Variants in MAD2L2 observed in about 807,000 individuals in gnomAD.
MAD2L2 encodes mitotic arrest deficient 2 like 2, also known as mitotic spindle assembly checkpoint protein MAD2B.
A neutral mutation model predicts 30.5 loss-of-function variants in MAD2L2; 17 were observed. The ratio of observed to expected loss-of-function variants is 0.56; its 90% CI spans 0.38 to 0.84. The LOEUF is 0.84. MAD2L2 is among the 40% of genes least tolerant of loss of function. MAD2L2 has a pLI of 0.00. For synonymous variants in MAD2L2, 101 were observed against 113.9 expected (o/e 0.89, Z 0.72); for missense variants, 213 against 277.4 (o/e 0.77, Z 1.65).
chr1:11,675,987 G>T, intron 6 of MAD2L2, 59 bp downstream of exon 6: 1 of 1,455,762 alleles, frequency 6.9e-7, no homozygotes, highest in South Asian at 1.1e-5. Context: ...TGGGAACACA[G>T]ACCAACCCGA....
intron 3 of MAD2L2, 93 bp downstream of exon 3, chr1:11,680,260 T>C (rs1640847023): frequency 2.8e-6 from 3 of 1,055,190 alleles, no homozygotes; most frequent in East Asian, 5.0e-5. Context: ...CCTCCCAAAG[T>C]GCTAGGATTA....
intron 3 of MAD2L2, among the ~76,000 whole-genome samples, chr1:11,680,115 C>G (rs1198279131): frequency 4.0e-5 from 6 of 151,326 alleles, no homozygotes; most frequent in Non-Finnish European, 7.4e-5. Context: ...CCTGCCTCAG[C>G]CTCCTGAGTA....
At position 11,690,669 on chromosome 1, in the gene MAD2L2, C is replaced by A. The variant is rs902821327; in HGVS notation, c.-692+744G>T. Among the ~76,000 whole-genome samples the A allele has an allele frequency of 6.6e-6, 1 of 152,180 alleles. No homozygotes were observed. The highest frequency in any genetic ancestry group is 1.5e-5 in the Non-Finnish European group (1 of 68,034). On this transcript the variant is annotated intron_variant, in intron 1 of 10. Transcript: ENST00000235310. The surrounding 1 kb of genome is among the most constrained non-coding windows in gnomAD (Gnocchi z 4.2). ...GCGAGCTCAGGGCGCCAGGTGGGAG[C>A]GCTGCTTCCCACATATGGGAGTCCG...
upstream of MAD2L2, among the ~76,000 whole-genome samples, chr1:11,682,716 G>A (rs572502976): frequency 5.9e-5 from 9 of 152,198 alleles, no homozygotes; most frequent in Admixed American, 5.2e-4. Flanking sequence ...CAAAGTGTGG[G>A]AATCACCACA....
upstream of MAD2L2, among the ~76,000 whole-genome samples, chr1:11,682,553 T>A (rs1423151036): frequency 6.8e-6 from 1 of 147,688 alleles, no homozygotes; most frequent in Non-Finnish European, 1.5e-5. Context: ...CAGCAAAACA[T>A]TTCTTCAAAT....
chr1:11,684,040 G>C (rs561972250), upstream of MAD2L2, among the ~76,000 whole-genome samples: 1 of 152,254 alleles, frequency 6.6e-6, no homozygotes, highest in African/African-American at 2.4e-5. Context: ...AAGGAAGGTG[G>C]GTTAGGAAGC....
At position 11,688,610 on chromosome 1, in the gene MAD2L2, G is replaced by A. The variant is rs781245153; in HGVS notation, c.-692+2803C>T. Among the ~76,000 whole-genome samples the A allele has an allele frequency of 2.1e-4, 32 of 151,938 alleles. No individual in the cohort carries two copies. Among genetic ancestry groups the A allele is most frequent in the Non-Finnish European group, 4.4e-4 (30 of 67,990 alleles). Reference sequence around the variant, plus strand: ...AGCAAACCTGCTAAAAACCTAAGTCGGATCATGTCTCTGCTCTGCTCATGG... The same window carrying A: ...AGCAAACCTGCTAAAAACCTAAGTCAGATCATGTCTCTGCTCTGCTCATGG... On this transcript the variant is annotated intron_variant, in intron 1 of 10. Transcript: ENST00000235310. This position sits in a 1 kb window ranked among gnomAD's most constrained non-coding sequence, Gnocchi z 4.6.
At position 11,680,621 on chromosome 1, in the gene MAD2L2, T is replaced by G; in HGVS notation, c.-12-8A>C. The G allele has an allele frequency of 1.3e-6, 2 of 1,553,664 alleles. No homozygotes were observed. The highest frequency in any genetic ancestry group is 2.4e-5 in the South Asian group (2 of 82,030). ...GGTCATCCTTCCCGCTACCTGAGTG[T>G]TGGGGCAAGGGCAGAGGGTAGTTCC... On this transcript the variant is annotated splice_polypyrimidine_tract_variant and splice_region_variant and intron_variant, in intron 1 of 8. Coordinates refer to ENST00000376692, the MANE Select transcript of MAD2L2 (RefSeq NM_006341.4).
chr1:11,680,306 TA>T, intron 3 of MAD2L2, 46 bp downstream of exon 3: 1 of 1,518,432 alleles, frequency 6.6e-7, no homozygotes, highest in Non-Finnish European at 9.0e-7. Flanking sequence ...AAAGAATTTT[TA>T]AAAGTCCACC....
intron 3 of MAD2L2, among the ~76,000 whole-genome samples, chr1:11,678,683 A>G (rs1363570810): frequency 6.6e-6 from 1 of 152,226 alleles, no homozygotes; most frequent in South Asian, 2.1e-4. Flanking sequence ...GTAAATGTCA[A>G]TTGTTTTTTC....
chr1:11,679,387 T>A (rs893397527), intron 3 of MAD2L2, among the ~76,000 whole-genome samples: 1 of 152,206 alleles, frequency 6.6e-6, no homozygotes, highest in African/African-American at 2.4e-5. Context: ...CGATGCACAC[T>A]GCTTTGTCTG....
rs114220573 is a variant in MAD2L2 at position 11,690,472 on chromosome 1, T to A, written c.-692+941A>T. Reference sequence around the variant, plus strand: ...TGCATTCACGCCTAGAACACTGAAATTTAGGTATAATCATGAGCTCAGAGG... The same window carrying A: ...TGCATTCACGCCTAGAACACTGAAAATTAGGTATAATCATGAGCTCAGAGG... On this transcript the variant is annotated intron_variant, in intron 1 of 10. Transcript: ENST00000235310. This position sits in a 1 kb window ranked among gnomAD's most constrained non-coding sequence, Gnocchi z 4.2. Among the ~76,000 whole-genome samples the A allele has an allele frequency of 1.8e-3, 270 of 152,252 alleles. 3 individuals are homozygous for A. Among genetic ancestry groups the A allele is most frequent in the African/African-American group, 6.0e-3 (250 of 41,528 alleles).
upstream of MAD2L2, among the ~76,000 whole-genome samples, chr1:11,684,096 G>C (rs1477285514): frequency 6.6e-6 from 1 of 151,910 alleles, no homozygotes; most frequent in Non-Finnish European, 1.5e-5. Flanking sequence ...CCCCTAAAAG[G>C]CTTCAGTCTC....
chr1:11,674,927 C>A lies in MAD2L2; in HGVS notation c.595-111G>T. ...CTCCACCACAGGTGGGGCCTCGTGG[C>A]CATAGCCATGGTGGAGAAGAGTAGA... On this transcript the variant is annotated intron_variant, in intron 8 of 8. Coordinates refer to ENST00000376692, the MANE Select transcript of MAD2L2 (RefSeq NM_006341.4). The surrounding 1 kb of genome is among the most constrained non-coding windows in gnomAD (Gnocchi z 6.1). The A allele has an allele frequency of 7.2e-7, 1 of 1,395,562 alleles. No homozygotes were observed. The allele number at this position is 1,395,562 out of a possible 1,614,324, so 86.4% of individuals were successfully genotyped here. A position where few individuals can be genotyped will look rare whatever the true frequency, so the allele number is the denominator to read the frequency against.
rs1640868913 is a variant in MAD2L2, at chr1:11,681,074, C to G, written c.-48G>C. The G allele has an allele frequency of 6.5e-6, 1 of 152,878 alleles. No homozygotes were observed. The highest frequency in any genetic ancestry group is 2.0e-4 in the South Asian group (1 of 4,916). 9.5% of individuals were successfully genotyped at this position (152,878 alleles called of 1,614,324 possible). On this transcript the variant is annotated 5_prime_UTR_variant, in exon 1 of 9. Transcript: ENST00000376692. Reference sequence around the variant, plus strand: ...CTCGGTTCCCGCCCGAGATCGGGCCCGGCCCCGCCGCGGGGAGCCACCGAC... The same window carrying G: ...CTCGGTTCCCGCCCGAGATCGGGCCGGGCCCCGCCGCGGGGAGCCACCGAC...
At chr1:11,677,055 GC>G in intron 4 of MAD2L2, 107 bp from the exon 5 acceptor site, 1 of 829,714 alleles carries the variant, frequency 1.2e-6, no homozygotes, top group Non-Finnish European at 2.0e-6. Flanking sequence ...CCCACTCACA[GC>G]CCTGCTCAGC....
At chr1:11,679,718 G>A (rs1640834024) in intron 3 of MAD2L2, among the ~76,000 whole-genome samples, 1 of 152,004 alleles carries the variant, frequency 6.6e-6, no homozygotes. Context: ...GTAGAGACAG[G>A]ATCTCATCAT....
rs566169645 is a variant in MAD2L2 at position 11,690,948 on chromosome 1, T to G, written c.-692+465A>C. Among the ~76,000 whole-genome samples, 5 of 144,844 alleles carry G rather than the reference T, an allele frequency of 3.5e-5. No individual in the cohort carries two copies. The highest frequency in any genetic ancestry group is 4.2e-4 in the East Asian group (2 of 4,706). On this transcript the variant is annotated intron_variant, in intron 1 of 10. Coordinates refer to the MAD2L2 transcript ENST00000235310. This position sits in a 1 kb window ranked among gnomAD's most constrained non-coding sequence, Gnocchi z 4.2. ...CGTGTGAGTGTGTGTGTGTGTGTGT[T>G]TGTGTGTGTGTGTATTGGGGCGGTT...
chr1:11,682,184 G>A (rs1356033057), upstream of MAD2L2, among the ~76,000 whole-genome samples: 1 of 152,180 alleles, frequency 6.6e-6, no homozygotes, highest in Non-Finnish European at 1.5e-5. Flanking sequence ...AAATCACACA[G>A]TGGGAATACA....
Sources: gnomAD v4.1 joint callset for allele counts (sites outside exome capture counted in the v4.1 genomes callset) on GRCh38, gnomAD v4.1.1 for gene constraint, Gnocchi (gnomAD v3.1) non-coding constraint, MANE v1.5 for transcripts, NCBI Gene and HGNC (gene_info 2026-07-23, HGNC 2026-07-21) for gene names.